The following PARP11 variants were observed in gnomAD, a reference collection of about 807,000 sequenced individuals.
PARP11 encodes protein mono-ADP-ribosyltransferase PARP11.
In PARP11, 31 loss-of-function variants were observed where a neutral mutation model predicts 42.9. The ratio of observed to expected loss-of-function variants is 0.72; its 90% CI spans 0.54 to 0.98. PARP11 has a LOEUF of 0.98. PARP11 is among the 50% of genes least tolerant of loss of function. The pLI, the probability that PARP11 is intolerant of heterozygous loss-of-function variation, is 0.00. For synonymous variants in PARP11, 137 were observed against 127.3 expected (o/e 1.08, Z -0.51); for missense variants, 365 against 413.1 (o/e 0.88, Z 1.01).
chr12:3,857,376 C>G (rs996384775), intron 1 of PARP11, among the ~76,000 whole-genome samples: 1 of 152,030 alleles, frequency 6.6e-6, no homozygotes, highest in Non-Finnish European at 1.5e-5. Context: ...GATGAGTTTG[C>G]CAAGGTCATT....
chr12:3,848,972 AC>A (rs1948047654), intron 1 of PARP11, among the ~76,000 whole-genome samples: 1 of 151,824 alleles, frequency 6.6e-6, no homozygotes, highest in African/African-American at 2.4e-5. Flanking sequence ...AAAAAAAAAA[AC>A]ACAAATAATC....
intron 7 of PARP11, 46 bp downstream of exon 7, chr12:3,813,991 A>T (rs773126094): frequency 4.2e-6 from 6 of 1,426,894 alleles, no homozygotes; most frequent in Non-Finnish European, 5.6e-6. Context: ...AAAAAGAGGA[A>T]ACTCTCTCCT....
intron 4 of PARP11, among the ~76,000 whole-genome samples, chr12:3,825,572 G>C (rs1947501783): frequency 6.6e-6 from 1 of 152,028 alleles, no homozygotes; most frequent in Non-Finnish European, 1.5e-5. Context: ...TTAGAGCAGA[G>C]ACCATAAGGC....
At chr12:3,826,896 T>G (rs1384225617) in intron 3 of PARP11, among the ~76,000 whole-genome samples, 1 of 152,196 alleles carries the variant, frequency 6.6e-6, no homozygotes, top group African/African-American at 2.4e-5. Context: ...TCCTCAAAGT[T>G]AAGTAGTGAT....
chr12:3,815,824 A>T (rs1947275350), intron 6 of PARP11, among the ~76,000 whole-genome samples: 1 of 152,256 alleles, frequency 6.6e-6, no homozygotes. Context: ...TAGTAATTTA[A>T]AAAGTAAAAA....
rs555772530 is a variant in PARP11, at chr12:3,813,270, T to C, written c.700+767A>G. ...GAAACCGTATTTCTATGATATGGGATAACAATTCAGTAATATTTCTGGAAA... is the reference window on the plus strand; with the variant it reads ...GAAACCGTATTTCTATGATATGGGACAACAATTCAGTAATATTTCTGGAAA... On this transcript the variant is annotated intron_variant, in intron 7 of 7. Transcript: ENST00000228820. Among the ~76,000 whole-genome samples, 7 of 152,344 alleles carry C rather than the reference T, an allele frequency of 4.6e-5. No individual in the cohort carries two copies. In the South Asian group the frequency reaches 1.4e-3, roughly 32 times the overall value.
chr12:3,823,580 A>AC (rs771835701), intron 4 of PARP11, among the ~76,000 whole-genome samples: 13 of 152,192 alleles, frequency 8.5e-5, no homozygotes, highest in Non-Finnish European at 1.9e-4. Context: ...ATGTGGATAC[A>AC]CCATAATAAT....
chr12:3,812,538 A>T (rs1947203256), intron 7 of PARP11, 99 bp from the exon 8 acceptor site: 1 of 789,476 alleles, frequency 1.3e-6, no homozygotes, highest in East Asian at 2.6e-5. Flanking sequence ...ATAGAATTGT[A>T]TAATAAAAAT....
intron 1 of PARP11, among the ~76,000 whole-genome samples, chr12:3,846,968 T>C (rs117120452): frequency 9.4e-4 from 143 of 151,576 alleles, no homozygotes; most frequent in Non-Finnish European, 1.4e-3. Context: ...TCCCAAATAC[T>C]TGGGAGGCTG....
intron 1 of PARP11, among the ~76,000 whole-genome samples, chr12:3,846,636 A>G (rs926109980): frequency 6.6e-6 from 1 of 152,070 alleles, no homozygotes; most frequent in African/African-American, 2.4e-5. Flanking sequence ...AGGCGCCTGT[A>G]GTCCCAGCTA....
intron 1 of PARP11, among the ~76,000 whole-genome samples, chr12:3,837,640 A>G (rs192153290): frequency 4.4e-4 from 67 of 152,098 alleles, no homozygotes; most frequent in African/African-American, 1.4e-3. Flanking sequence ...CTCGAATTAA[A>G]GAGCACAGAG....
At chr12:3,839,488 G>T (rs1947843956) in intron 1 of PARP11, 3 of 1,611,504 alleles carry the variant, frequency 1.9e-6, no homozygotes. Flanking sequence ...TCGCCATGTT[G>T]AAGTCAGAAT....
intron 1 of PARP11, among the ~76,000 whole-genome samples, chr12:3,837,162 A>C (rs1177201015): frequency 6.6e-6 from 1 of 152,212 alleles, no homozygotes; most frequent in Non-Finnish European, 1.5e-5. Flanking sequence ...GCTTCACTCC[A>C]CAGGTTTCCC....
Position 3,828,964 on chromosome 12 carries a change from A to G in PARP11, c.214T>C (p.Cys72Arg). The change falls in exon 3 of 8, where the codon TGT becomes CGT. Residue 72 changes from cysteine to arginine, a missense_variant. Transcript: ENST00000228820. ...GAAGTAGTAAAAGAAATGGAGCCAC[A>G]AGGGTTTGTTTTGAAGCTTTTTTCG... ...DIEKSFKTNPCGSISFTTSKF... is the reference protein window; with the variant it reads ...DIEKSFKTNPRGSISFTTSKF... 1 of 1,614,032 alleles carries G rather than the reference A, an allele frequency of 6.2e-7. No individual in the cohort carries two copies. Among genetic ancestry groups the G allele is most frequent in the Non-Finnish European group, 8.5e-7 (1 of 1,179,910 alleles).
intron 1 of PARP11, among the ~76,000 whole-genome samples, chr12:3,854,964 A>G (rs2138102287): frequency 6.6e-6 from 1 of 152,346 alleles, no homozygotes; most frequent in Middle Eastern, 3.4e-3. Flanking sequence ...CCTGGGATGC[A>G]AGGCTGGTTC....
In PARP11 at chr12:3,811,564, C is replaced by T. The variant is rs1303654392; in HGVS notation, c.*559G>A. The T allele has an allele frequency of 1.3e-5, 2 of 152,234 alleles. No homozygotes were observed. Among genetic ancestry groups the T allele is most frequent in the African/African-American group, 4.8e-5 (2 of 41,442 alleles). 9.4% of individuals were successfully genotyped at this position (152,234 alleles called of 1,614,324 possible). A position where few individuals can be genotyped will look rare whatever the true frequency, so the allele number is the denominator to read the frequency against. ...GATTTTCTCCTTCTGGCTTGTTTGA[C>T]AGCACTGCAAATAATTGTCTTGTTT... is the stretch of plus-strand genomic sequence containing the variant. On this transcript the variant is annotated 3_prime_UTR_variant, in exon 8 of 8. Transcript: ENST00000228820.
At chr12:3,868,513 C>A (rs1272996688) in intron 1 of PARP11, among the ~76,000 whole-genome samples, 3 of 152,194 alleles carry the variant, frequency 2.0e-5, no homozygotes, top group South Asian at 2.1e-4. Flanking sequence ...TCCAGACTTA[C>A]CTCCCTAACC....
chr12:3,835,046 G>C (rs1256613815), intron 1 of PARP11, among the ~76,000 whole-genome samples: 4 of 152,070 alleles, frequency 2.6e-5, no homozygotes, highest in African/African-American at 4.8e-5. Context: ...TGACAGTCTG[G>C]AACACTGTGT....
chr12:3,812,178 A>G lies in PARP11; in HGVS notation c.962T>C (p.Phe321Ser). 1 of 1,614,112 alleles carries G rather than the reference A, an allele frequency of 6.2e-7. No individual in the cohort carries two copies. Among genetic ancestry groups the G allele is most frequent in the Non-Finnish European group, 8.5e-7 (1 of 1,180,002 alleles). Residue 321 changes from phenylalanine to serine, a missense_variant, in exon 8 of 8, where the codon TTT becomes TCT. Phe to Ser is a radical substitution (Grantham distance 155). Coordinates refer to ENST00000228820, the MANE Select transcript of PARP11 (RefSeq NM_020367.6). ...GATTTGGTTGGCATCAAAAACCACA[A>G]AGATCTTTGGGTTCCAGGTATCATC... ...CVDDTWNPKI[F>S]VVFDANQIYP...
Sources: gnomAD v4.1 joint callset for allele counts (sites outside exome capture counted in the v4.1 genomes callset) on GRCh38, gnomAD v4.1.1 for gene constraint, MANE v1.5 for transcripts, NCBI Gene and HGNC (gene_info 2026-07-23, HGNC 2026-07-21) for gene names.